GLI2: variants seen among roughly 807,000 people sequenced by gnomAD.
The protein encoded by GLI2 is transcription activator GLI2.
A neutral mutation model predicts 78.9 loss-of-function variants in GLI2; 22 were observed. That is an observed-to-expected ratio of 0.28 (90% CI 0.20 to 0.40). The LOEUF (loss-of-function observed/expected upper bound fraction) is 0.40, where lower values mean the gene tolerates loss of function less well. Among genes scored for constraint, GLI2 ranks in the 10% least tolerant of loss-of-function variants. The pLI is 1.00. For synonymous variants in GLI2, 974 were observed against 963.7 expected, an observed-to-expected ratio of 1.01 and a Z score of -0.20; for missense variants, 2,097 against 2,213.2, an observed-to-expected ratio of 0.95 and a Z score of 1.05.
chr2:120,781,774 T>C (rs1683857050), intron 1 of GLI2, among the ~76,000 whole-genome samples: 3 of 151,944 alleles, frequency 2.0e-5, no homozygotes, highest in Non-Finnish European at 4.4e-5. Flanking sequence ...TCCTGGCTAC[T>C]CGGGAGGCTG....
chr2:120,933,166 G>A (rs1680025813), intron 3 of GLI2, among the ~76,000 whole-genome samples: 1 of 152,140 alleles, frequency 6.6e-6, no homozygotes, highest in African/African-American at 2.4e-5. Context: ...GGCAGGGCAT[G>A]GAGGTTGGTG....
chr2:120,801,892 C>T (rs1272175960), intron 2 of GLI2, among the ~76,000 whole-genome samples: 1 of 152,238 alleles, frequency 6.6e-6, no homozygotes, highest in Non-Finnish European at 1.5e-5. Context: ...GGGCTCCTGC[C>T]TCTCACATGG....
intron 2 of GLI2, chr2:120,867,317 G>A (rs948786379): frequency 6.6e-6 from 1 of 152,362 alleles, no homozygotes; most frequent in African/African-American, 2.4e-5. Context: ...GCACCCGCAG[G>A]GTGGACAGCA....
At chr2:120,869,478 G>A (rs746172784) in intron 2 of GLI2, among the ~76,000 whole-genome samples, 2 of 152,138 alleles carry the variant, frequency 1.3e-5, no homozygotes, top group South Asian at 2.1e-4. Context: ...CCTTTCCCTA[G>A]ATAATGGATT....
chr2:120,835,834 T>C (rs1352847276), intron 2 of GLI2, among the ~76,000 whole-genome samples: 1 of 152,066 alleles, frequency 6.6e-6, no homozygotes, highest in Admixed American at 6.6e-5. Context: ...ACATATATAT[T>C]TAAATATTTA....
chr2:120,878,943 T>C (rs1688901467), intron 2 of GLI2, among the ~76,000 whole-genome samples: 1 of 150,698 alleles, frequency 6.6e-6, no homozygotes, highest in African/African-American at 2.4e-5. Context: ...AAAAAAAAAA[T>C]CTTTCTTCTG....
At chr2:120,767,384 T>A (rs1455061920) in intron 1 of GLI2, among the ~76,000 whole-genome samples, 1 of 151,934 alleles carries the variant, frequency 6.6e-6, no homozygotes, top group Non-Finnish European at 1.5e-5. Flanking sequence ...GTGGCAAGCA[T>A]GTTCAGTGGG....
intron 1 of GLI2, among the ~76,000 whole-genome samples, chr2:120,783,460 G>A (rs144207391): frequency 9.9e-5 from 15 of 152,126 alleles, no homozygotes; most frequent in African/African-American, 3.6e-4. Context: ...TTTAAAGAGC[G>A]TTCTCATTTC....
At chr2:120,882,487 AT>A (rs1479182620) in intron 2 of GLI2, among the ~76,000 whole-genome samples, 1 of 152,232 alleles carries the variant, frequency 6.6e-6, no homozygotes, top group African/African-American at 2.4e-5. Flanking sequence ...AGCTCTGTGA[AT>A]TTGTGGAACG....
chr2:120,836,220 G>C (rs1686604237), intron 2 of GLI2, among the ~76,000 whole-genome samples: 1 of 152,090 alleles, frequency 6.6e-6, no homozygotes, highest in Admixed American at 6.5e-5. Flanking sequence ...TCAGACCAGA[G>C]AATGTTGTGT....
intron 1 of GLI2, among the ~76,000 whole-genome samples, chr2:120,791,720 C>T (rs951562825): frequency 6.6e-6 from 1 of 152,158 alleles, no homozygotes; most frequent in African/African-American, 2.4e-5. Flanking sequence ...TGTATGTGTG[C>T]ACGTGTGTGG....
chr2:120,937,336 T>G (rs1374391136), intron 3 of GLI2, among the ~76,000 whole-genome samples: 1 of 152,082 alleles, frequency 6.6e-6, no homozygotes, highest in Non-Finnish European at 1.5e-5. Context: ...ACTTTTAGAG[T>G]ATCTATCACC....
At position 120,983,980 on chromosome 2, in the gene GLI2, C is replaced by T. The variant is rs532859691; in HGVS notation, c.1633-491C>T. 2.6e-4 allele frequency among the ~76,000 whole-genome samples: 29 copies of T among 111,950 alleles called. No homozygotes were observed. In the South Asian group the frequency reaches 5.0e-3, roughly 19 times the overall value. 73.4% of individuals were successfully genotyped at this position (111,950 alleles called of 152,430 possible). ...GTGTGTGTGTGTGTGTGTGTGTGTGCATGTTTATGAGTCCAGGACTGAGGT... is the reference window on the plus strand; with the variant it reads ...GTGTGTGTGTGTGTGTGTGTGTGTGTATGTTTATGAGTCCAGGACTGAGGT... On this transcript the variant is annotated intron_variant, in intron 11 of 13. Transcript: ENST00000361492.
intron 1 of GLI2, among the ~76,000 whole-genome samples, chr2:120,766,424 G>A (rs566402727): frequency 2.0e-5 from 3 of 152,322 alleles, no homozygotes; most frequent in South Asian, 4.1e-4. Context: ...AGCATTTTCC[G>A]GGCTGGAGAG....
chr2:120,739,747 C>A (rs954880245), intron 1 of GLI2, among the ~76,000 whole-genome samples: 1 of 152,176 alleles, frequency 6.6e-6, no homozygotes, highest in African/African-American at 2.4e-5. Context: ...GAGGCATGGA[C>A]AAGTGAAACA....
intron 1 of GLI2, among the ~76,000 whole-genome samples, chr2:120,773,323 T>C (rs962845444): frequency 4.5e-4 from 68 of 152,152 alleles, no homozygotes; most frequent in African/African-American, 1.6e-3. Context: ...AGTGGCATTC[T>C]GAGACTCTGC....
chr2:120,861,875 G>A (rs1687919434), intron 2 of GLI2, among the ~76,000 whole-genome samples: 1 of 152,244 alleles, frequency 6.6e-6, no homozygotes, highest in Non-Finnish European at 1.5e-5. Context: ...GAGCCAGGCA[G>A]GGGTTGTGTC....
At chr2:120,830,520 C>G (rs1022839438) in intron 2 of GLI2, among the ~76,000 whole-genome samples, 2 of 152,252 alleles carry the variant, frequency 1.3e-5, no homozygotes, top group African/African-American at 4.8e-5. Flanking sequence ...GCCCACCAGG[C>G]CCCACGTCCA....
intron 2 of GLI2, among the ~76,000 whole-genome samples, chr2:120,900,106 G>A (rs1264126235): frequency 6.6e-6 from 1 of 152,210 alleles, no homozygotes; most frequent in African/African-American, 2.4e-5. Context: ...AGGCAAGGCA[G>A]AAGAGGCAGA....
Sources: gnomAD v4.1 joint callset for allele counts (sites outside exome capture counted in the v4.1 genomes callset) on GRCh38, gnomAD v4.1.1 for gene constraint, MANE v1.5 for transcripts, NCBI Gene and HGNC (gene_info 2026-07-23, HGNC 2026-07-21) for gene names.